Variants in ZNF570 observed in about 807,000 individuals in gnomAD.
ZNF570 encodes zinc finger protein 570.
A neutral mutation model predicts 14.2 loss-of-function variants in ZNF570; 8 were observed. The observed-to-expected ratio is 0.56, with a 90% CI of 0.33 to 1.02. ZNF570 has a LOEUF of 1.02. Ranked by LOEUF, ZNF570 falls within the 50% of genes least tolerant of loss-of-function variation. The pLI is 0.03. For synonymous variants in ZNF570, 202 were observed against 207.6 expected, an observed-to-expected ratio of 0.97 and a Z score of 0.23; for missense variants, 559 against 624.9, an observed-to-expected ratio of 0.89 and a Z score of 1.12.
chr19:37,478,050 C>A (rs2042046985), intron 4 of ZNF570, among the ~76,000 whole-genome samples: 1 of 152,098 alleles, frequency 6.6e-6, no homozygotes, highest in Non-Finnish European at 1.5e-5. Context: ...TTTAGAATTT[C>A]TTGTTTGCCC....
Position 37,483,998 on chromosome 19 carries a change from A to G in ZNF570, c.376A>G (p.Arg126Gly), listed in dbSNP as rs1206386547. 2 of 1,614,068 alleles carry G rather than the reference A, an allele frequency of 1.2e-6. No homozygotes were observed. Among genetic ancestry groups the G allele is most frequent in the Non-Finnish European group, 1.7e-6 (2 of 1,180,008 alleles). ...CTATAACCTTGAATACTCCAGTTTG[A>G]GAGAAGAGTGGAAATGTGAGGGCTA... ...TSYNLEYSSL[R>G]EEWKCEGYFE... Residue 126 changes from arginine to glycine, a missense_variant, in exon 5 of 5, where the codon AGA (arginine) becomes GGA (glycine). By Grantham distance (125) the Arg-to-Gly change is moderately radical. Transcript: ENST00000330173.
chr19:37,470,695 C>CTTTTTTTTTTTT lies in ZNF570; in HGVS notation c.33+321_33+332dup, dbSNP rs760686313. ...TGTGGTGAGTACATTCTTATTTATT[C>CTTTTTTTTTTTT]TTTTTTTTTTTTTTTTTTTTTTTTG... On this transcript the variant is annotated intron_variant, in intron 2 of 4. Coordinates refer to ENST00000330173, the MANE Select transcript of ZNF570 (RefSeq NM_144694.5). 2.0e-3 allele frequency among the ~76,000 whole-genome samples: 184 copies of CTTTTTTTTTTTT among 92,944 alleles called. 3 individuals are homozygous for CTTTTTTTTTTTT. Among genetic ancestry groups the CTTTTTTTTTTTT allele is most frequent in the East Asian group, 5.3e-3 (16 of 3,004 alleles). 61.0% of individuals were successfully genotyped at this position (92,944 alleles called of 152,430 possible).
At chr19:37,483,421 A>T (rs2042109210) in intron 4 of ZNF570, among the ~76,000 whole-genome samples, 1 of 152,228 alleles carries the variant, frequency 6.6e-6, no homozygotes, top group Non-Finnish European at 1.5e-5. Context: ...AATGAAATTT[A>T]CTTATTTATC....
intron 4 of ZNF570, 155 bp downstream of exon 4, chr19:37,476,589 G>T: frequency 3.7e-6 from 4 of 1,079,226 alleles, no homozygotes; most frequent in Non-Finnish European, 4.8e-6. Context: ...TCCCACATTT[G>T]TTATTTTTAA....
In ZNF570 at chr19:37,488,013, G is replaced by C. The variant is rs1038277739; in HGVS notation, c.*2780G>C. 1 of 152,202 alleles carries C rather than the reference G, an allele frequency of 6.6e-6. No homozygotes were observed. The allele number at this position is 152,202 out of a possible 1,614,324, so 9.4% of individuals were successfully genotyped here. ...GTGGAGCAATAGGAACACTCATACG[G>C]TGCTATAGGAAGTAGTTGTGTTTAG... On this transcript the variant is annotated 3_prime_UTR_variant, in exon 5 of 5. Transcript: ENST00000330173.
intron 4 of ZNF570, among the ~76,000 whole-genome samples, chr19:37,481,405 A>C (rs530844391): frequency 1.7e-4 from 26 of 152,264 alleles, no homozygotes; most frequent in African/African-American, 6.3e-4. Context: ...TGCCCGCCTC[A>C]GCCTCCCAAA....
At chr19:37,480,237 G>A (rs1163756404) in intron 4 of ZNF570, among the ~76,000 whole-genome samples, 1 of 152,206 alleles carries the variant, frequency 6.6e-6, no homozygotes, top group Admixed American at 6.5e-5. Context: ...TGTAATCCCA[G>A]CACTTTGGGA....
At chr19:37,468,081 T>TTTTTG (rs1555845142), upstream of ZNF570, 35 of 698,374 alleles carry the variant, frequency 5.0e-5, no homozygotes, top group East Asian at 9.1e-4. Flanking sequence ...GTTTTTTTTT[T>TTTTTG]TTTGTTTGTT....
intron 4 of ZNF570, among the ~76,000 whole-genome samples, chr19:37,478,024 C>A (rs1023780432): frequency 2.6e-5 from 4 of 152,168 alleles, no homozygotes; most frequent in African/African-American, 9.7e-5. Context: ...AAAATCTCTA[C>A]AGCTTGTTTA....
chr19:37,481,002 C>T (rs142188535), intron 4 of ZNF570, among the ~76,000 whole-genome samples: 91 of 151,770 alleles, frequency 6.0e-4, no homozygotes, highest in African/African-American at 2.1e-3. Flanking sequence ...CCCTGTTCAC[C>T]ATTCTGTCCC....
In ZNF570 at chr19:37,475,948, C is replaced by G; in HGVS notation, c.101C>G (p.Ser34Cys). ...GAGGAATGGGATTGTCTGGATTCTT[C>G]TCAAAGACATCTGTACAGTAATGTG... ...SQEEWDCLDSSQRHLYSNVML... is the reference protein window; with the variant it reads ...SQEEWDCLDSCQRHLYSNVML... The change falls in exon 3 of 5, where the codon TCT becomes TGT. Residue 34 changes from serine (S) to cysteine (C), a missense_variant. Coordinates refer to ENST00000330173, the MANE Select transcript of ZNF570 (RefSeq NM_144694.5). 1.2e-6 allele frequency: 2 copies of G among 1,614,024 alleles called. No homozygotes were observed. The highest frequency in any genetic ancestry group is 1.7e-6 in the Non-Finnish European group (2 of 1,179,964).
rs2147029141 is a variant in ZNF570 at position 37,486,234 on chromosome 19, G to A, written c.*1001G>A. On this transcript the variant is annotated 3_prime_UTR_variant, in exon 5 of 5. Transcript: ENST00000330173. ...TTCCAGTCTTCTTCTTTGGGCACTAGGCACTTCCCAGGACTAAGAGCTTAG... is the reference window on the plus strand; with the variant it reads ...TTCCAGTCTTCTTCTTTGGGCACTAAGCACTTCCCAGGACTAAGAGCTTAG... 1 of 151,950 alleles carries A rather than the reference G, an allele frequency of 6.6e-6. No homozygotes were observed. The highest frequency in any genetic ancestry group is 1.9e-4 in the East Asian group (1 of 5,156). 9.4% of individuals were successfully genotyped at this position (151,950 alleles called of 1,614,324 possible).
upstream of ZNF570, chr19:37,469,343 A>T: frequency 5.7e-6 from 8 of 1,413,632 alleles, no homozygotes; most frequent in Non-Finnish European, 7.4e-6. Flanking sequence ...CCGGGGGCGG[A>T]GGCAGCTGAG....
chr19:37,476,837 G>A (rs1187130677), intron 4 of ZNF570, among the ~76,000 whole-genome samples: 2 of 151,242 alleles, frequency 1.3e-5, no homozygotes, highest in South Asian at 2.1e-4. Context: ...AGCCTTCCCA[G>A]GAGCTGGAAT....
chr19:37,468,411 TA>T (rs1213301293), upstream of ZNF570, among the ~76,000 whole-genome samples: 1 of 152,126 alleles, frequency 6.6e-6, no homozygotes, highest in African/African-American at 2.4e-5. Flanking sequence ...AATAAAGAGA[TA>T]ATAGGCCGGA....
chr19:37,474,942 G>GT (rs1395250283), intron 2 of ZNF570, among the ~76,000 whole-genome samples: 6 of 148,360 alleles, frequency 4.0e-5, no homozygotes, highest in African/African-American at 1.0e-4. Context: ...GCAGCATTAA[G>GT]TTTTTTTTGT....
chr19:37,469,732 T>A lies in ZNF570; in HGVS notation c.-52+175T>A, dbSNP rs998313123. 1.2e-4 allele frequency: 85 copies of A among 683,816 alleles called. No individual in the cohort carries two copies. In the East Asian group the frequency reaches 2.2e-3, roughly 18 times the overall value. The allele number at this position is 683,816 out of a possible 1,614,324, so 42.4% of individuals were successfully genotyped here. A position where few individuals can be genotyped will look rare whatever the true frequency, so the allele number is the denominator to read the frequency against. On this transcript the variant is annotated intron_variant, in intron 1 of 4. Transcript: ENST00000330173. ...ACCCGCGGCTTCTTTGTGACTGGGT[T>A]GTGAGATTGTCGCTTGTGATAGATA... is the stretch of plus-strand genomic sequence containing the variant.
intron 4 of ZNF570, among the ~76,000 whole-genome samples, chr19:37,480,634 A>T (rs984071713): frequency 5.9e-5 from 9 of 151,916 alleles, no homozygotes; most frequent in African/African-American, 2.2e-4. Context: ...AATTTAGACC[A>T]TATTATATTT....
In ZNF570 at chr19:37,480,590, G is replaced by A. The variant is rs151053169; in HGVS notation, c.257-3289G>A. Among the ~76,000 whole-genome samples the A allele has an allele frequency of 3.4e-3, 522 of 152,190 alleles. 4 individuals carry two copies. The highest frequency in any genetic ancestry group is 0.012 in the African/African-American group (500 of 41,522). On this transcript the variant is annotated intron_variant, in intron 4 of 4. Coordinates refer to ENST00000330173, the MANE Select transcript of ZNF570 (RefSeq NM_144694.5). ...TTCTTAAATTATTATTTTGCTTTATGAAGTTGTATAATAGACCATTATTAT... is the reference window on the plus strand; with the variant it reads ...TTCTTAAATTATTATTTTGCTTTATAAAGTTGTATAATAGACCATTATTAT...
Sources: allele counts gnomAD v4.1 joint callset (sites outside exome capture counted in the v4.1 genomes callset), GRCh38; gene constraint gnomAD v4.1.1; transcripts MANE v1.5; gene names NCBI Gene and HGNC (gene_info 2026-07-23, HGNC 2026-07-21).